Variants in CDC14A observed in about 807,000 individuals in gnomAD.
CDC14A encodes dual specificity protein phosphatase CDC14A.
Under a neutral mutation model 74.4 loss-of-function variants are expected in CDC14A, and 53 were observed. The ratio of observed to expected loss-of-function variants is 0.71; its 90% CI spans 0.57 to 0.89. The LOEUF (loss-of-function observed/expected upper bound fraction) is 0.89. CDC14A is among the 40% of genes least tolerant of loss of function. The pLI is 0.00. For synonymous variants in CDC14A, 247 were observed against 258.4 expected (o/e 0.96, Z 0.43); for missense variants, 646 against 713.7 (o/e 0.91, Z 1.08).
At chr1:100,408,724 A>T (rs545607154) in intron 4 of CDC14A, among the ~76,000 whole-genome samples, 133 of 152,164 alleles carry the variant, frequency 8.7e-4, no homozygotes, top group African/African-American at 3.1e-3. Context: ...TCGTCTTTTG[A>T]AAGGTGTCTG....
intron 11 of CDC14A, among the ~76,000 whole-genome samples, chr1:100,490,793 TA>T (rs1276423884): frequency 2.6e-5 from 4 of 152,100 alleles, no homozygotes; most frequent in African/African-American, 4.8e-5. Context: ...CTGGTAAACA[TA>T]AAAAAATTCT....
At chr1:100,467,866 G>T in intron 9 of CDC14A, 90 bp from the exon 10 acceptor site, 1 of 1,245,232 alleles carries the variant, frequency 8.0e-7, no homozygotes, top group South Asian at 1.6e-5. Flanking sequence ...CTTGAATGCA[G>T]AGCAGTTTCT....
intron 4 of CDC14A, among the ~76,000 whole-genome samples, chr1:100,404,186 G>A (rs1228463417): frequency 8.1e-5 from 12 of 147,564 alleles, no homozygotes; most frequent in South Asian, 2.1e-4. Flanking sequence ...GCTAGACTCC[G>A]TCTCAAAAAA....
chr1:100,371,019 TGTTG>T (rs1236888210), intron 2 of CDC14A, among the ~76,000 whole-genome samples: 1 of 152,176 alleles, frequency 6.6e-6, no homozygotes, highest in Non-Finnish European at 1.5e-5. Flanking sequence ...AGATCTTTCA[TGTTG>T]GTTAGATGTA....
At chr1:100,397,416 G>T (rs150923156) in intron 4 of CDC14A, among the ~76,000 whole-genome samples, 1 of 152,178 alleles carries the variant, frequency 6.6e-6, no homozygotes, top group African/African-American at 2.4e-5. Context: ...TTAGATCATT[G>T]TAGCATCTAA....
At chr1:100,378,241 T>C (rs895283136) in intron 3 of CDC14A, among the ~76,000 whole-genome samples, 5 of 152,182 alleles carry the variant, frequency 3.3e-5, no homozygotes, top group Non-Finnish European at 5.9e-5. Context: ...TGTGGCTTTT[T>C]TTTTCTTCTT....
chr1:100,474,570 C>A (rs1177641441), intron 10 of CDC14A, among the ~76,000 whole-genome samples: 1 of 148,026 alleles, frequency 6.8e-6, no homozygotes, highest in East Asian at 2.0e-4. Context: ...GGAATTAGTC[C>A]GTTTCATCTA....
intron 3 of CDC14A, among the ~76,000 whole-genome samples, chr1:100,381,456 A>T (rs1322697100): frequency 1.3e-5 from 2 of 152,138 alleles, no homozygotes; most frequent in East Asian, 3.9e-4. Flanking sequence ...TTTTAGGCAC[A>T]TTTCATTTTT....
intron 15 of CDC14A, among the ~76,000 whole-genome samples, chr1:100,513,054 A>C (rs910198935): frequency 6.6e-6 from 1 of 152,176 alleles, no homozygotes; most frequent in Non-Finnish European, 1.5e-5. Flanking sequence ...AACCTATTGA[A>C]ATAAAAAATA....
At chr1:100,359,111 G>A (rs1169860960) in intron 2 of CDC14A, among the ~76,000 whole-genome samples, 1 of 152,110 alleles carries the variant, frequency 6.6e-6, no homozygotes, top group Non-Finnish European at 1.5e-5. Context: ...TGAACCTCGA[G>A]ACAAATTTCA....
intron 9 of CDC14A, 103 bp from the exon 10 acceptor site, chr1:100,467,853 A>C (rs770534058): frequency 2.7e-6 from 3 of 1,118,420 alleles, no homozygotes; most frequent in Non-Finnish European, 3.8e-6. Flanking sequence ...TAATATCATC[A>C]CACTTGAATG....
chr1:100,479,831 CA>C (rs1351107984), intron 10 of CDC14A, among the ~76,000 whole-genome samples: 1 of 151,988 alleles, frequency 6.6e-6, no homozygotes, highest in Non-Finnish European at 1.5e-5. Context: ...ACTGACTAAG[CA>C]AAAATAAAAT....
intron 3 of CDC14A, among the ~76,000 whole-genome samples, chr1:100,380,801 C>A (rs559927140): frequency 6.6e-6 from 1 of 152,338 alleles, no homozygotes; most frequent in East Asian, 1.9e-4. Context: ...CCTTGCCACT[C>A]CCAGCCTTGC....
chr1:100,429,234 T>TAAATAAATAAATAAAAAAAA lies in CDC14A; in HGVS notation c.389+4934_389+4935insAATAAATAAATAAAAAAAAA, dbSNP rs60569646. Among the ~76,000 whole-genome samples, 374 of 146,494 alleles carry TAAATAAATAAATAAAAAAAA rather than the reference T, an allele frequency of 2.6e-3. 2 individuals carry two copies. The highest frequency in any genetic ancestry group is 4.0e-3 in the Admixed American group (59 of 14,734). On this transcript the variant is annotated intron_variant, in intron 5 of 15. Transcript: ENST00000336454. ...ATAAATAAATAAATAAATAAATAAA[T>TAAATAAATAAATAAAAAAAA]ATAAAATAAAATGACATATACAATT...
chr1:100,364,983 G>A (rs940847217), intron 2 of CDC14A, among the ~76,000 whole-genome samples: 1 of 152,162 alleles, frequency 6.6e-6, no homozygotes. Flanking sequence ...GGGTTAAGAA[G>A]GTAATAAGTG....
chr1:100,485,568 G>A (rs1280929524), intron 11 of CDC14A, among the ~76,000 whole-genome samples: 40 of 151,792 alleles, frequency 2.6e-4, no homozygotes, highest in Non-Finnish European at 1.8e-4. Flanking sequence ...GTCTAAAAAA[G>A]TAAAAAAGAA....
intron 5 of CDC14A, among the ~76,000 whole-genome samples, chr1:100,424,965 C>T (rs28361225): frequency 1.8e-4 from 28 of 152,166 alleles, no homozygotes; most frequent in African/African-American, 5.1e-4. Context: ...CCCAGGAGTT[C>T]GAGACCAGCC....
intron 13 of CDC14A, among the ~76,000 whole-genome samples, chr1:100,496,285 T>C (rs2101427753): frequency 6.6e-6 from 1 of 152,100 alleles, no homozygotes; most frequent in African/African-American, 2.4e-5. Flanking sequence ...GACATCAATG[T>C]ATTTTGTGCT....
intron 15 of CDC14A, among the ~76,000 whole-genome samples, chr1:100,506,495 A>T (rs1649249470): frequency 6.6e-6 from 1 of 152,218 alleles, no homozygotes; most frequent in Admixed American, 6.5e-5. Flanking sequence ...GGTTCGGATG[A>T]TGCCTTTAAA....
Sources: allele counts gnomAD v4.1 joint callset (sites outside exome capture counted in the v4.1 genomes callset), GRCh38; gene constraint gnomAD v4.1.1; transcripts MANE v1.5; gene names NCBI Gene and HGNC (gene_info 2026-07-23, HGNC 2026-07-21).